SCN11A: variants seen among roughly 807,000 people sequenced by gnomAD.
The protein encoded by SCN11A is sodium voltage-gated channel alpha subunit 11.
SCN11A carries 122 observed loss-of-function variants against 162.2 expected under a neutral mutation model. The ratio of observed to expected loss-of-function variants is 0.75; its 90% CI spans 0.65 to 0.87. The LOEUF (loss-of-function observed/expected upper bound fraction) is 0.87. Among genes scored for constraint, SCN11A ranks in the 40% least tolerant of loss-of-function variants. The pLI is 0.00. For synonymous variants in SCN11A, 758 were observed against 751.5 expected, an observed-to-expected ratio of 1.01 and a Z score of -0.14; for missense variants, 2,015 against 2,181.6, an observed-to-expected ratio of 0.92 and a Z score of 1.52.
chr3:38,908,116 C>T lies in SCN11A; in HGVS notation c.1306G>A (p.Val436Ile), dbSNP rs1417135669. Residue 436 changes from valine (V) to isoleucine (I), a missense_variant, in exon 14 of 30, where the codon GTT becomes ATT. Val to Ile is a conservative substitution (Grantham distance 29, BLOSUM62 3). Coordinates refer to ENST00000302328, the MANE Select transcript of SCN11A (RefSeq NM_001349253.2). ...GAACTTCTGTCAATTCCCATGGCAACCAGAGCCTTCAAATTGAACAAAAGC... is the reference window on the plus strand; with the variant it reads ...GAACTTCTGTCAATTCCCATGGCAATCAGAGCCTTCAAATTGAACAAAAGC... ...QLLKEEKEAL[V>I]AMGIDRSSLT... The T allele has an allele frequency of 6.2e-7, 1 of 1,610,056 alleles. No homozygotes were observed.
rs566379034 is a variant in SCN11A at position 38,894,702 on chromosome 3, C to G, written c.2666G>C (p.Arg889Thr). 4.3e-6 allele frequency: 7 copies of G among 1,614,170 alleles called. No homozygotes were observed. In the Admixed American group the frequency reaches 1.2e-4, roughly 27 times the overall value. The change falls in exon 19 of 30, where the codon AGG becomes ACG. Residue 889 changes from arginine (R) to threonine (T), a missense_variant. Coordinates refer to ENST00000302328, the MANE Select transcript of SCN11A (RefSeq NM_001349253.2). ...AAGCTCCTCCTGGGTCTCTGAGCCC[C>G]TTTTCATCTCCATGACCAGGGGAAT... is the stretch of plus-strand genomic sequence containing the variant. ...DIIPLVMEMK[R>T]GSETQEELGI... is the part of the protein sequence containing the mutation.
Position 38,989,808 on chromosome 3 carries a change from C to T in SCN11A, c.-279-29385G>A, listed in dbSNP as rs193111999. Among the ~76,000 whole-genome samples the T allele has an allele frequency of 2.4e-3, 366 of 152,274 alleles. 2 individuals carry two copies. Among genetic ancestry groups the T allele is most frequent in the Non-Finnish European group, 2.4e-3 (166 of 68,032 alleles). On this transcript the variant is annotated intron_variant, in intron 2 of 29. Transcript: ENST00000302328. ...AACATGCTCTGGGAACTTTGCAGCA[C>T]ATTATGAAAATAATCATTAAGGCCC...
chr3:38,975,623 G>C lies in SCN11A; in HGVS notation c.-279-15200C>G, dbSNP rs573593616. Among the ~76,000 whole-genome samples, 14 of 152,330 alleles carry C rather than the reference G, an allele frequency of 9.2e-5. No homozygotes were observed. The South Asian group carries it at 1.9e-3, about 20-fold the overall frequency. ...TGAGCAAGTTGTTCAAGTGGACATAGAGTGGATAACTTTTTCCAAACAAGT... is the reference window on the plus strand; with the variant it reads ...TGAGCAAGTTGTTCAAGTGGACATACAGTGGATAACTTTTTCCAAACAAGT... On this transcript the variant is annotated intron_variant, in intron 2 of 29. Coordinates refer to ENST00000302328, the MANE Select transcript of SCN11A (RefSeq NM_001349253.2).
At chr3:38,851,001 CA>C (rs2064769943) in intron 28 of SCN11A, among the ~76,000 whole-genome samples, 1 of 151,952 alleles carries the variant, frequency 6.6e-6, no homozygotes, top group Non-Finnish European at 1.5e-5. Context: ...CATTTTAAAA[CA>C]AAAAATATTA....
chr3:38,901,416 C>T (rs1376841666), intron 16 of SCN11A, among the ~76,000 whole-genome samples: 1 of 152,124 alleles, frequency 6.6e-6, no homozygotes, highest in Non-Finnish European at 1.5e-5. Flanking sequence ...TGTAGTCATC[C>T]CCACCTCTTT....
chr3:39,036,335 G>A (rs2125614061), intron 1 of SCN11A, among the ~76,000 whole-genome samples: 1 of 152,094 alleles, frequency 6.6e-6, no homozygotes, highest in Non-Finnish European at 1.5e-5. Context: ...AGTAGAGACG[G>A]GATTTTGCCA....
chr3:39,016,071 G>A (rs1156556500), intron 2 of SCN11A, among the ~76,000 whole-genome samples: 1 of 152,168 alleles, frequency 6.6e-6, no homozygotes, highest in Non-Finnish European at 1.5e-5. Context: ...AACTGATAAG[G>A]GAATGAGAGA....
chr3:38,847,121 G>T lies in SCN11A; in HGVS notation c.4949C>A (p.Ala1650Asp). The stretch of plus-strand genomic sequence containing the variant: ...ACGCAAAGGCTCAGGCAAGGCATCA[G>T]CAAAGTCAGAAAGGGCAGAATATTT... ...FIKYSALSDF[A>D]DALPEPLRVA... Residue 1650 changes from alanine (A) to aspartate (D), a missense_variant, in exon 30 of 30, where the codon GCT (alanine) becomes GAT (aspartate). Coordinates refer to ENST00000302328, the MANE Select transcript of SCN11A (RefSeq NM_001349253.2). 1 of 1,614,210 alleles carries T rather than the reference G, an allele frequency of 6.2e-7. No individual in the cohort carries two copies. Among genetic ancestry groups the T allele is most frequent in the Non-Finnish European group, 8.5e-7 (1 of 1,180,048 alleles).
chr3:39,023,935 G>A (rs993815577), intron 2 of SCN11A, among the ~76,000 whole-genome samples: 1 of 152,030 alleles, frequency 6.6e-6, no homozygotes, highest in Non-Finnish European at 1.5e-5. Context: ...TAGCCACTGT[G>A]CCTGGCCAAG....
At chr3:38,977,254 G>T (rs1406112907) in intron 2 of SCN11A, among the ~76,000 whole-genome samples, 1 of 152,206 alleles carries the variant, frequency 6.6e-6, no homozygotes, top group East Asian at 1.9e-4. Flanking sequence ...ATGTTGCCAT[G>T]GTTTCTTCTC....
chr3:39,030,452 T>C (rs760695503), intron 2 of SCN11A, among the ~76,000 whole-genome samples: 22 of 152,188 alleles, frequency 1.4e-4, no homozygotes, highest in Non-Finnish European at 2.8e-4. Context: ...CTAACCACTA[T>C]GGCCTGAGGA....
chr3:38,972,074 T>A (rs2066819986), intron 2 of SCN11A, among the ~76,000 whole-genome samples: 1 of 152,222 alleles, frequency 6.6e-6, no homozygotes, highest in Non-Finnish European at 1.5e-5. Context: ...ACTAGATGGC[T>A]GTTAATGGTG....
chr3:38,964,995 G>C (rs755520007), intron 2 of SCN11A, among the ~76,000 whole-genome samples: 1 of 152,234 alleles, frequency 6.6e-6, no homozygotes, highest in African/African-American at 2.4e-5. Flanking sequence ...GTGCCGCTTA[G>C]AAGAGTGAAC....
intron 26 of SCN11A, among the ~76,000 whole-genome samples, chr3:38,867,770 A>G (rs2065065536): frequency 6.6e-6 from 1 of 152,112 alleles, no homozygotes; most frequent in Non-Finnish European, 1.5e-5. Flanking sequence ...AGTCATCCAT[A>G]TGGAATGTCC....
chr3:38,935,852 C>T (rs2066322497), intron 7 of SCN11A, among the ~76,000 whole-genome samples: 2 of 152,194 alleles, frequency 1.3e-5, no homozygotes, highest in African/African-American at 4.8e-5. Context: ...AGAGGGACTC[C>T]TCCCTAACTC....
intron 1 of SCN11A, among the ~76,000 whole-genome samples, chr3:39,033,237 G>T (rs541386149): frequency 6.6e-6 from 1 of 151,818 alleles, no homozygotes; most frequent in African/African-American, 2.4e-5. Flanking sequence ...TTCAGAGGAT[G>T]ATTTAACAAT....
At chr3:38,986,826 G>A (rs1041803907) in intron 2 of SCN11A, among the ~76,000 whole-genome samples, 1 of 152,168 alleles carries the variant, frequency 6.6e-6, no homozygotes, top group African/African-American at 2.4e-5. Context: ...GCCATGCAGA[G>A]CACAGCTTTG....
chr3:38,864,691 C>T (rs182806471), intron 27 of SCN11A, among the ~76,000 whole-genome samples: 131 of 152,196 alleles, frequency 8.6e-4, no homozygotes, highest in African/African-American at 3.0e-3. Context: ...TCTTGGAAAC[C>T]GTTTCCCACA....
intron 28 of SCN11A, among the ~76,000 whole-genome samples, chr3:38,851,462 T>C (rs1476223396): frequency 6.6e-6 from 1 of 152,204 alleles, no homozygotes; most frequent in Non-Finnish European, 1.5e-5. Flanking sequence ...ATGCTGATTG[T>C]TCAGGTACAG....
Sources: allele counts gnomAD v4.1 joint callset (sites outside exome capture counted in the v4.1 genomes callset), GRCh38; gene constraint gnomAD v4.1.1; transcripts MANE v1.5; gene names NCBI Gene and HGNC (gene_info 2026-07-23, HGNC 2026-07-21).